CACNA1A: variants seen among roughly 807,000 people sequenced by gnomAD.
CACNA1A encodes the protein calcium voltage-gated channel subunit alpha1 A.
In CACNA1A, 57 loss-of-function variants were observed where a neutral mutation model predicts 262.4. The observed-to-expected ratio is 0.22, with a 90% CI of 0.18 to 0.27. CACNA1A has a LOEUF of 0.27. CACNA1A is among the 10% of genes least tolerant of loss of function. The pLI, the probability that CACNA1A is intolerant of heterozygous loss-of-function variation, is 1.00. For missense variants in CACNA1A, 2,526 were observed against 3,562.8 expected (o/e 0.71, Z 7.41); for synonymous variants, 1,431 against 1,419.3 (o/e 1.01, Z -0.18).
intron 7 of CACNA1A, among the ~76,000 whole-genome samples, chr19:13,334,869 A>G (rs1419773732): frequency 6.6e-6 from 1 of 151,950 alleles, no homozygotes; most frequent in Admixed American, 6.6e-5. Flanking sequence ...CCCCATCTCT[A>G]TGAAAAATAA....
chr19:13,452,372 GA>G (rs1480751234), intron 3 of CACNA1A: 1 of 152,558 alleles, frequency 6.6e-6, no homozygotes, highest in Non-Finnish European at 1.5e-5. Context: ...CTTGCACCCA[GA>G]CATTCTCAAA....
chr19:13,448,082 GAAA>G (rs36078876), intron 3 of CACNA1A, among the ~76,000 whole-genome samples: 2,028 of 122,242 alleles, frequency 0.017, 49 homozygotes, highest in African/African-American at 0.055. Flanking sequence ...GTGTTATTAT[GAAA>G]AAAAAAAAAA....
intron 31 of CACNA1A, among the ~76,000 whole-genome samples, chr19:13,242,178 T>C (rs72995985): frequency 0.01 from 1,546 of 152,282 alleles, 21 homozygotes; most frequent in Middle Eastern, 0.037. Context: ...CTAACAAAAC[T>C]ACACACCCAT....
At chr19:13,492,300 C>A (rs956175345) in intron 1 of CACNA1A, among the ~76,000 whole-genome samples, 9 of 152,164 alleles carry the variant, frequency 5.9e-5, no homozygotes, top group African/African-American at 2.2e-4. Context: ...CCACAGAGAT[C>A]TGGAAAATGC....
intron 10 of CACNA1A, among the ~76,000 whole-genome samples, chr19:13,318,319 G>C (rs1019626248): frequency 5.9e-5 from 9 of 152,186 alleles, no homozygotes; most frequent in African/African-American, 2.2e-4. Context: ...CATTTTTGGG[G>C]AAGAGCACAA....
chr19:13,254,752 C>A (rs1338710044), intron 29 of CACNA1A, among the ~76,000 whole-genome samples: 1 of 152,142 alleles, frequency 6.6e-6, no homozygotes, highest in East Asian at 1.9e-4. Context: ...GGGCTGAGGT[C>A]ATCATAAATG....
chr19:13,340,834 G>A (rs968365961), intron 6 of CACNA1A, among the ~76,000 whole-genome samples: 3 of 152,106 alleles, frequency 2.0e-5, no homozygotes, highest in African/African-American at 7.2e-5. Flanking sequence ...TTGGAAATAG[G>A]GTCTTTGCAG....
At chr19:13,427,056 C>T (rs746225267) in intron 3 of CACNA1A, among the ~76,000 whole-genome samples, 3 of 152,176 alleles carry the variant, frequency 2.0e-5, no homozygotes, top group Non-Finnish European at 4.4e-5. Context: ...AAACATTTAC[C>T]TTCCATTAAC....
chr19:13,432,910 G>C (rs989150566), intron 3 of CACNA1A, among the ~76,000 whole-genome samples: 2 of 152,040 alleles, frequency 1.3e-5, no homozygotes, highest in African/African-American at 4.8e-5. Context: ...TGTAATCCTA[G>C]CACTTTGGGA....
chr19:13,321,563 C>G (rs1161358407), intron 10 of CACNA1A, among the ~76,000 whole-genome samples: 2 of 152,202 alleles, frequency 1.3e-5, no homozygotes, highest in Non-Finnish European at 2.9e-5. Flanking sequence ...GCCTACTCCA[C>G]ACCCAGGCTA....
At chr19:13,404,187 TATAC>T (rs1324971257) in intron 3 of CACNA1A, among the ~76,000 whole-genome samples, 1 of 144,854 alleles carries the variant, frequency 6.9e-6, no homozygotes, top group African/African-American at 2.8e-5. Context: ...TATATACACA[TATAC>T]ACACACACAC....
chr19:13,221,352 C>T (rs1208252217), intron 38 of CACNA1A, among the ~76,000 whole-genome samples: 1 of 145,948 alleles, frequency 6.9e-6, no homozygotes, highest in East Asian at 2.0e-4. Context: ...TTGTGCTCAG[C>T]TTCCCAAGTT....
intron 1 of CACNA1A, among the ~76,000 whole-genome samples, chr19:13,490,670 AAGAGAG>A (rs1161769253): frequency 1.4e-5 from 2 of 143,710 alleles, no homozygotes; most frequent in African/African-American, 2.6e-5. Flanking sequence ...GAAGGAAAGA[AAGAGAG>A]AGAGAGAGAA....
chr19:13,400,669 T>A (rs73505159), intron 3 of CACNA1A, among the ~76,000 whole-genome samples: 3,459 of 152,224 alleles, frequency 0.023, 137 homozygotes, highest in African/African-American at 0.079. Flanking sequence ...CATTTGGCAA[T>A]GTGTGGAGAC....
chr19:13,269,432 AG>A (rs2056959346), intron 24 of CACNA1A, among the ~76,000 whole-genome samples: 1 of 152,194 alleles, frequency 6.6e-6, no homozygotes, highest in Non-Finnish European at 1.5e-5. Flanking sequence ...ATCATACACA[AG>A]AAAAATAATG....
chr19:13,500,014 A>C (rs1278436827), intron 1 of CACNA1A, among the ~76,000 whole-genome samples: 1 of 152,162 alleles, frequency 6.6e-6, no homozygotes, highest in African/African-American at 2.4e-5. Context: ...TCCCACTCCA[A>C]GTCCCTGAAG....
chr19:13,449,114 G>T (rs1189265852), intron 3 of CACNA1A, among the ~76,000 whole-genome samples: 2 of 148,414 alleles, frequency 1.3e-5, no homozygotes, highest in Non-Finnish European at 3.0e-5. Flanking sequence ...CTACAGGCGT[G>T]CGTCATCATG....
chr19:13,316,987 TAAAGG>T (rs2058140694), intron 11 of CACNA1A, 120 bp downstream of exon 11: 3 of 640,164 alleles, frequency 4.7e-6, no homozygotes, highest in South Asian at 2.1e-5. Flanking sequence ...TAGAAATGGC[TAAAGG>T]AAAGGGCAGA....
intron 3 of CACNA1A, among the ~76,000 whole-genome samples, chr19:13,390,341 G>A (rs1198588876): frequency 6.6e-6 from 1 of 152,060 alleles, no homozygotes; most frequent in African/African-American, 2.4e-5. Context: ...CAAACCCCTG[G>A]CCTCCAGTGA....
Sources: allele counts gnomAD v4.1 joint callset (sites outside exome capture counted in the v4.1 genomes callset), GRCh38; gene constraint gnomAD v4.1.1; transcripts MANE v1.5; gene names NCBI Gene and HGNC (gene_info 2026-07-23, HGNC 2026-07-21).